KDM4A: variants seen among roughly 807,000 people sequenced by gnomAD.
KDM4A encodes the protein lysine demethylase 4A.
Under a neutral mutation model 127.1 loss-of-function variants are expected in KDM4A, and 23 were observed. The observed-to-expected ratio is 0.18, with a 90% CI of 0.13 to 0.26. KDM4A has a LOEUF of 0.26. Among genes scored for constraint, KDM4A ranks in the 10% least tolerant of loss-of-function variants. KDM4A has a pLI of 1.00. For synonymous variants in KDM4A, 443 were observed against 466.5 expected (o/e 0.95, Z 0.65); for missense variants, 890 against 1,329.1 (o/e 0.67, Z 5.14).
At chr1:43,656,964 G>C (rs1416985115) in intron 3 of KDM4A, among the ~76,000 whole-genome samples, 1 of 151,820 alleles carries the variant, frequency 6.6e-6, no homozygotes, top group African/African-American at 2.4e-5. Flanking sequence ...GTGTAGTGGT[G>C]CAATCATGGC....
At position 43,692,307 on chromosome 1, in the gene KDM4A, G is replaced by A; in HGVS notation, c.2371G>A (p.Asp791Asn). The change falls in exon 16 of 22, where the codon GAC (aspartate) becomes AAC (asparagine). Residue 791 changes from aspartate to asparagine, a missense_variant. Asp to Asn is a conservative substitution (Grantham distance 23). This residue lies in a region of KDM4A where 246 missense variants were observed against 418.4 expected (regional missense o/e 0.59). Coordinates refer to ENST00000372396, the MANE Select transcript of KDM4A (RefSeq NM_014663.3). ...AGGGGCCCTGCAGAGAGCAAATGAT[G>A]ACAGGTAAGTTTCCTGAGCAGTGCC... The part of the protein sequence containing the change: ...RGGALQRAND[D>N]RWVHVSCAVA... 1 of 1,613,974 alleles carries A rather than the reference G, an allele frequency of 6.2e-7. No homozygotes were observed. The highest frequency in any genetic ancestry group is 8.5e-7 in the Non-Finnish European group (1 of 1,179,928).
rs1660220351 is a variant in KDM4A, at chr1:43,655,642, G to A, written c.190G>A (p.Asp64Asn). 1 of 1,613,162 alleles carries A rather than the reference G, an allele frequency of 6.2e-7. No individual in the cohort carries two copies. The highest frequency in any genetic ancestry group is 8.5e-7 in the Non-Finnish European group (1 of 1,179,804). ...KPRASYDDID[D>N]LVIPAPIQQL... ...ACGAGCATCCTATGATGACATTGAT[G>A]ATTTGGTCATTCCTGCCCCCATTCA... The change falls in exon 3 of 22, where the codon GAT (aspartate) becomes AAT (asparagine). Residue 64 changes from aspartate to asparagine, a missense_variant. Physicochemically the swap from Asp to Asn is conservative, Grantham distance 23. Around this residue, in one of 7 missense-constraint regions of KDM4A, gnomAD observed 29 missense variants for 64.3 expected, o/e 0.45. Coordinates refer to ENST00000372396, the MANE Select transcript of KDM4A (RefSeq NM_014663.3).
In KDM4A at chr1:43,669,345, T is replaced by A; in HGVS notation, c.1363+46T>A. The A allele has an allele frequency of 2.6e-6, 4 of 1,563,104 alleles. No homozygotes were observed. In the South Asian group the frequency reaches 4.4e-5, roughly 17 times the overall value. ...TTTCCACAACCCTAACTCATATATG[T>A]GTCCCGTGTTAGATGCCATATTGAG... On this transcript the variant is annotated intron_variant, in intron 10 of 21. Coordinates refer to ENST00000372396, the MANE Select transcript of KDM4A (RefSeq NM_014663.3).
At position 43,703,895 on chromosome 1, in the gene KDM4A, G is replaced by A; in HGVS notation, c.2962-125G>A. 3.1e-6 allele frequency: 4 copies of A among 1,299,188 alleles called. No homozygotes were observed. In the East Asian group the frequency reaches 6.9e-5, roughly 23 times the overall value. The allele number at this position is 1,299,188 out of a possible 1,614,324, so 80.5% of individuals were successfully genotyped here. ...CTGTTTCCAGTCTGCCAAATGTGAA[G>A]TAAGGTAGTTGTTATTTTAGTGTTC... is the stretch of plus-strand genomic sequence containing the variant. On this transcript the variant is annotated intron_variant, in intron 20 of 21. Transcript: ENST00000372396.
chr1:43,650,446 C>T (rs1192965606), intron 1 of KDM4A, 194 bp downstream of exon 1: 1 of 152,178 alleles, frequency 6.6e-6, no homozygotes, highest in African/African-American at 2.4e-5. Flanking sequence ...GGCCAATGGA[C>T]CTCGGGAGAG....
intron 4 of KDM4A, among the ~76,000 whole-genome samples, chr1:43,662,583 A>G (rs936510475): frequency 6.6e-6 from 1 of 152,190 alleles, no homozygotes; most frequent in South Asian, 2.1e-4. Flanking sequence ...CTCCAGCCTG[A>G]GCAACAGAGC....
chr1:43,676,088 TAAAAA>T (rs533210766), intron 11 of KDM4A, among the ~76,000 whole-genome samples: 1 of 91,212 alleles, frequency 1.1e-5, no homozygotes, highest in Non-Finnish European at 2.1e-5. Flanking sequence ...CTCAAAAAGA[TAAAAA>T]AAAAAAAAAA....
intron 9 of KDM4A, among the ~76,000 whole-genome samples, chr1:43,668,848 G>C (rs1453429848): frequency 6.6e-6 from 1 of 152,194 alleles, no homozygotes; most frequent in Non-Finnish European, 1.5e-5. Context: ...CAGCTACTCT[G>C]CATACCTTTT....
intron 2 of KDM4A, 140 bp from the exon 3 acceptor site, chr1:43,655,451 T>C (rs1414904272): frequency 1.4e-6 from 1 of 696,032 alleles, no homozygotes; most frequent in Non-Finnish European, 2.3e-6. Context: ...TGACTTACTG[T>C]GTTTTGGTGA....
chr1:43,650,457 G>T (rs1371464501), intron 1 of KDM4A: 3 of 152,384 alleles, frequency 2.0e-5, no homozygotes, highest in Admixed American at 1.3e-4. Flanking sequence ...CTCGGGAGAG[G>T]GGGGCGGGTC....
At chr1:43,662,584 G>A (rs1660408878) in intron 4 of KDM4A, among the ~76,000 whole-genome samples, 2 of 152,226 alleles carry the variant, frequency 1.3e-5, no homozygotes, top group African/African-American at 4.8e-5. Context: ...TCCAGCCTGA[G>A]CAACAGAGCG....
chr1:43,695,523 G>A (rs1394752967), intron 18 of KDM4A, among the ~76,000 whole-genome samples: 1 of 152,250 alleles, frequency 6.6e-6, no homozygotes, highest in Non-Finnish European at 1.5e-5. Context: ...GTGTGTGGGA[G>A]TGTGATGCTT....
At chr1:43,691,404 G>T in intron 14 of KDM4A, 92 bp from the exon 15 acceptor site, 1 of 1,048,532 alleles carries the variant, frequency 9.5e-7, no homozygotes. Context: ...TTTGGTTGTA[G>T]CTTTGGGAGG....
chr1:43,664,344 A>C (rs1255337251), intron 5 of KDM4A, among the ~76,000 whole-genome samples: 2 of 152,128 alleles, frequency 1.3e-5, no homozygotes, highest in Non-Finnish European at 2.9e-5. Flanking sequence ...AGGTGGGTGG[A>C]TCACCTGAAG....
intron 13 of KDM4A, among the ~76,000 whole-genome samples, chr1:43,689,947 G>C (rs913943177): frequency 6.6e-6 from 1 of 152,208 alleles, no homozygotes; most frequent in Non-Finnish European, 1.5e-5. Context: ...TGAATGGCTG[G>C]GTTCTTACTA....
chr1:43,681,723 G>T (rs982097490), intron 11 of KDM4A, among the ~76,000 whole-genome samples: 1 of 152,104 alleles, frequency 6.6e-6, no homozygotes, highest in Non-Finnish European at 1.5e-5. Flanking sequence ...GGGGCAGGTC[G>T]GGGGGAAACA....
At chr1:43,661,241 CTAGAAT>C (rs1339066476) in intron 4 of KDM4A, among the ~76,000 whole-genome samples, 1 of 151,890 alleles carries the variant, frequency 6.6e-6, no homozygotes, top group Non-Finnish European at 1.5e-5. Context: ...TCCCAAAGTG[CTAGAAT>C]TACAGGTGTG....
chr1:43,695,955 G>A (rs1294120717), intron 18 of KDM4A, among the ~76,000 whole-genome samples: 1 of 152,226 alleles, frequency 6.6e-6, no homozygotes, highest in East Asian at 1.9e-4. Context: ...CTGAGATGAA[G>A]CAGTGTTGCT....
At chr1:43,672,855 T>G (rs1023250526) in intron 11 of KDM4A, among the ~76,000 whole-genome samples, 2 of 152,114 alleles carry the variant, frequency 1.3e-5, no homozygotes, top group African/African-American at 4.8e-5. Context: ...GGCACCAGGG[T>G]TAGAATGGCT....
Sources: gnomAD v4.1 joint callset for allele counts (sites outside exome capture counted in the v4.1 genomes callset) on GRCh38, gnomAD v4.1.1 for gene constraint, gnomAD v4.1.1 regional missense constraint, MANE v1.5 for transcripts, NCBI Gene and HGNC (gene_info 2026-07-23, HGNC 2026-07-21) for gene names.